Variants in ASAP1 observed in about 807,000 individuals in gnomAD.
The protein encoded by ASAP1 is arf-GAP with SH3 domain, ANK repeat and PH domain-containing protein 1.
In ASAP1, 43 loss-of-function variants were observed where a neutral mutation model predicts 145.2. The observed-to-expected ratio is 0.30, with a 90% confidence interval of 0.23 to 0.38. ASAP1 has a LOEUF of 0.38. Among genes scored for constraint, ASAP1 ranks in the 10% least tolerant of loss-of-function variants. The pLI is 1.00. For missense variants in ASAP1, 1,018 were observed against 1,355.3 expected (o/e 0.75, Z 3.91); for synonymous variants, 546 against 515.5 (o/e 1.06, Z -0.80).
At chr8:130,427,136 C>G in intron 1 of ASAP1, among the ~76,000 whole-genome samples, 1 of 152,116 alleles carries the variant, frequency 6.6e-6, no homozygotes. Flanking sequence ...ATGGGGAAAA[C>G]AGCTTGGCCA....
At position 130,382,879 on chromosome 8, in the gene ASAP1, G is replaced by C. The variant is rs962215858; in HGVS notation, c.59+19006C>G. On this transcript the variant is annotated intron_variant, in intron 2 of 29. Coordinates refer to ENST00000518721, the MANE Select transcript of ASAP1 (RefSeq NM_018482.4). ...AGAAAAGAAAAGCAATTAATGATAG[G>C]GAAATGGGGCGGGAGGGGAGGGGTA... Among the ~76,000 whole-genome samples, 3 of 151,760 alleles carry C rather than the reference G, an allele frequency of 2.0e-5. No individual in the cohort carries two copies. In the South Asian group the frequency reaches 6.3e-4, roughly 32 times the overall value.
chr8:130,072,820 T>TGCGCGCGCGCGC (rs1276537977), intron 27 of ASAP1, among the ~76,000 whole-genome samples: 1 of 22,056 alleles, frequency 4.5e-5, no homozygotes, highest in South Asian at 2.2e-3. Flanking sequence ...TGTGTGTGTG[T>TGCGCGCGCGCGC]GTGTGCGCGC....
chr8:130,325,794 G>A (rs921182301), intron 3 of ASAP1, among the ~76,000 whole-genome samples: 1 of 152,138 alleles, frequency 6.6e-6, no homozygotes, highest in Admixed American at 6.5e-5. Context: ...TGTTGAGATA[G>A]ATGTTTTTGT....
At chr8:130,251,229 C>A (rs547273685) in intron 3 of ASAP1, among the ~76,000 whole-genome samples, 2 of 151,996 alleles carry the variant, frequency 1.3e-5, no homozygotes, top group African/African-American at 4.8e-5. Flanking sequence ...ACCAGCCTGG[C>A]CAACATAGCG....
At chr8:130,332,329 A>C (rs1485933929) in intron 3 of ASAP1, among the ~76,000 whole-genome samples, 2 of 152,154 alleles carry the variant, frequency 1.3e-5, no homozygotes, top group African/African-American at 4.8e-5. Flanking sequence ...TGAAAGAGAA[A>C]ACCTAATTTC....
chr8:130,241,417 CTTGT>C (rs1199853270), intron 3 of ASAP1, among the ~76,000 whole-genome samples: 1 of 152,100 alleles, frequency 6.6e-6, no homozygotes, highest in African/African-American at 2.4e-5. Context: ...AAAGCAGGGG[CTTGT>C]ATAACCTGTT....
At chr8:130,307,220 T>C (rs1421826639) in intron 3 of ASAP1, among the ~76,000 whole-genome samples, 2 of 149,840 alleles carry the variant, frequency 1.3e-5, no homozygotes, top group East Asian at 3.8e-4. Context: ...TCCATTGCTG[T>C]AATCCCCAAC....
rs780484851 is a variant in ASAP1, at chr8:130,187,248, T to A, written c.518A>T (p.Tyr173Phe). The change falls in exon 7 of 30, where the codon TAT becomes TTT. Residue 173 changes from tyrosine to phenylalanine, a missense_variant. Transcript: ENST00000518721. Reference sequence around the variant, plus strand: ...AAAAACCACTTACAACTTTGTCTCATAATCTTTCCAGGCTTTGTCAAATGG... The same window carrying A: ...AAAAACCACTTACAACTTTGTCTCAAAATCTTTCCAGGCTTTGTCAAATGG... The part of the protein sequence containing the change: ...KKPFDKAWKD[Y>F]ETKFTKIEKE... The A allele has an allele frequency of 5.0e-6, 8 of 1,609,482 alleles. No homozygotes were observed. Among genetic ancestry groups the A allele is most frequent in the Non-Finnish European group, 6.8e-6 (8 of 1,178,938 alleles).
chr8:130,317,024 T>G (rs1823702415), intron 3 of ASAP1, among the ~76,000 whole-genome samples: 1 of 152,042 alleles, frequency 6.6e-6, no homozygotes, highest in Admixed American at 6.5e-5. Context: ...CAGGCCCTAC[T>G]ATCATTTGGT....
At chr8:130,213,241 T>C (rs1396584896) in intron 5 of ASAP1, among the ~76,000 whole-genome samples, 1 of 152,264 alleles carries the variant, frequency 6.6e-6, no homozygotes, top group Non-Finnish European at 1.5e-5. Flanking sequence ...AATAATTCTA[T>C]GTTCGATATT....
chr8:130,315,913 C>G (rs1312377349), intron 3 of ASAP1, among the ~76,000 whole-genome samples: 2 of 152,102 alleles, frequency 1.3e-5, no homozygotes, highest in East Asian at 3.9e-4. Context: ...GATATAAATC[C>G]CACTTATCTA....
chr8:130,310,416 G>A (rs1008819958), intron 3 of ASAP1, among the ~76,000 whole-genome samples: 1 of 151,966 alleles, frequency 6.6e-6, no homozygotes, highest in Non-Finnish European at 1.5e-5. Flanking sequence ...TTGACCCCAG[G>A]AGTCATCAAG....
At chr8:130,194,022 G>A (rs1184498528) in intron 5 of ASAP1, among the ~76,000 whole-genome samples, 3 of 152,100 alleles carry the variant, frequency 2.0e-5, no homozygotes, top group Non-Finnish European at 4.4e-5. Context: ...CATCATTGTG[G>A]TTAGGCATGA....
chr8:130,171,843 C>T (rs1813616911), intron 9 of ASAP1, among the ~76,000 whole-genome samples: 1 of 152,172 alleles, frequency 6.6e-6, no homozygotes, highest in Non-Finnish European at 1.5e-5. Context: ...TCCTCTACAT[C>T]AAGGAAGGGA....
intron 1 of ASAP1, among the ~76,000 whole-genome samples, chr8:130,418,648 G>A (rs768677372): frequency 1.8e-4 from 27 of 151,748 alleles, no homozygotes; most frequent in Non-Finnish European, 3.7e-4. Context: ...ATGAAACCCC[G>A]AACCCATAAG....
At chr8:130,192,864 G>T (rs1413355372) in intron 5 of ASAP1, among the ~76,000 whole-genome samples, 2 of 152,164 alleles carry the variant, frequency 1.3e-5, no homozygotes, top group Non-Finnish European at 2.9e-5. Flanking sequence ...AATCATTTGT[G>T]TACAAAGTTC....
At chr8:130,262,900 C>T (rs1820025645) in intron 3 of ASAP1, among the ~76,000 whole-genome samples, 1 of 152,110 alleles carries the variant, frequency 6.6e-6, no homozygotes, top group Admixed American at 6.5e-5. Context: ...ACTCATTGCA[C>T]CAGGGTCTGC....
At chr8:130,249,176 A>G (rs1819043386) in intron 3 of ASAP1, among the ~76,000 whole-genome samples, 1 of 152,012 alleles carries the variant, frequency 6.6e-6, no homozygotes, top group Non-Finnish European at 1.5e-5. Flanking sequence ...CCACCCATCC[A>G]TCTTCCGCAC....
At chr8:130,423,996 G>C (rs999408778) in intron 1 of ASAP1, among the ~76,000 whole-genome samples, 4 of 152,140 alleles carry the variant, frequency 2.6e-5, no homozygotes, top group Non-Finnish European at 5.9e-5. Context: ...TGACTGCGGC[G>C]ATGGCTGCAC....
Sources: gnomAD v4.1 joint callset for allele counts (sites outside exome capture counted in the v4.1 genomes callset) on GRCh38, gnomAD v4.1.1 for gene constraint, MANE v1.5 for transcripts, NCBI Gene and HGNC (gene_info 2026-07-23, HGNC 2026-07-21) for gene names.